The following SPAG16 variants were observed in gnomAD, a reference collection of about 807,000 sequenced individuals.
SPAG16 encodes the protein sperm associated antigen 16.
In SPAG16, 86 loss-of-function variants were observed where a neutral mutation model predicts 80.4. The observed-to-expected ratio is 1.07, with a 90% confidence interval of 0.90 to 1.28. The LOEUF is 1.28. SPAG16 is among the 50% of genes most tolerant of loss of function. The probability of loss-of-function intolerance (pLI) is 0.00; values close to 1 mark genes in which losing one functional copy is unlikely to be tolerated. For synonymous variants in SPAG16, 294 were observed against 265.9 expected (o/e 1.11, Z -1.03); for missense variants, 870 against 765.3 (o/e 1.14, Z -1.61).
At chr2:213,725,034 CTT>C (rs1336640515) in intron 10 of SPAG16, among the ~76,000 whole-genome samples, 1 of 146,898 alleles carries the variant, frequency 6.8e-6, no homozygotes, top group Non-Finnish European at 1.5e-5. Flanking sequence ...GACTCTGCTC[CTT>C]TTTTTTTTTC....
At chr2:213,417,332 A>G (rs2069318788) in intron 9 of SPAG16, among the ~76,000 whole-genome samples, 1 of 152,258 alleles carries the variant, frequency 6.6e-6, no homozygotes, top group African/African-American at 2.4e-5. Flanking sequence ...TGCAAATGCC[A>G]GGACTTCTGA....
intron 9 of SPAG16, among the ~76,000 whole-genome samples, chr2:213,414,213 T>C (rs1287228585): frequency 6.6e-6 from 1 of 152,202 alleles, no homozygotes; most frequent in Non-Finnish European, 1.5e-5. Flanking sequence ...TGCTATTCAG[T>C]TCCTAGTGTA....
intron 10 of SPAG16, among the ~76,000 whole-genome samples, chr2:213,624,375 C>A (rs2061888620): frequency 6.6e-6 from 1 of 152,170 alleles, no homozygotes; most frequent in African/African-American, 2.4e-5. Flanking sequence ...TTGGAATATA[C>A]TTCTGTTCTC....
At chr2:213,921,406 AT>A (rs1372348338) in intron 11 of SPAG16, among the ~76,000 whole-genome samples, 1 of 151,802 alleles carries the variant, frequency 6.6e-6, no homozygotes, top group Admixed American at 6.6e-5. Flanking sequence ...CCATTCCTTT[AT>A]TTTGAGCCTA....
At chr2:214,403,787 C>A (rs1347560147) in intron 15 of SPAG16, among the ~76,000 whole-genome samples, 1 of 152,134 alleles carries the variant, frequency 6.6e-6, no homozygotes, top group Non-Finnish European at 1.5e-5. Flanking sequence ...GGCATGGCCC[C>A]TGTTCCTGAG....
intron 11 of SPAG16, among the ~76,000 whole-genome samples, chr2:213,895,570 A>G (rs948535461): frequency 2.0e-5 from 3 of 152,182 alleles, no homozygotes; most frequent in African/African-American, 7.2e-5. Flanking sequence ...TCATAAACCA[A>G]TGGAACAGAA....
intron 7 of SPAG16, among the ~76,000 whole-genome samples, chr2:213,352,233 A>C (rs75345566): frequency 0.029 from 4,358 of 151,374 alleles, 89 homozygotes; most frequent in African/African-American, 0.056. Context: ...GTATTTCCTC[A>C]TAGTGGTGTG....
chr2:213,949,855 A>T (rs1046204330), intron 12 of SPAG16, among the ~76,000 whole-genome samples: 2 of 152,226 alleles, frequency 1.3e-5, no homozygotes, highest in African/African-American at 4.8e-5. Flanking sequence ...TATAAAATTA[A>T]CATTAATTGA....
chr2:213,728,964 G>C lies in SPAG16; in HGVS notation c.1071-133521G>C, dbSNP rs527899511. Among the ~76,000 whole-genome samples the C allele has an allele frequency of 4.1e-5, 6 of 147,332 alleles. No homozygotes were observed. In the East Asian group the frequency reaches 1.2e-3, roughly 30 times the overall value. On this transcript the variant is annotated intron_variant, in intron 10 of 15. Coordinates refer to ENST00000331683, the MANE Select transcript of SPAG16 (RefSeq NM_024532.5). The stretch of plus-strand genomic sequence containing the variant: ...AGCCTTGACCACAGTGCTTGCATGG[G>C]TATAAGGAGAATGATGTACTGGAAA...
chr2:213,966,719 C>T (rs1455951638), intron 12 of SPAG16, among the ~76,000 whole-genome samples: 1 of 151,994 alleles, frequency 6.6e-6, no homozygotes, highest in Non-Finnish European at 1.5e-5. Flanking sequence ...TTTTTTAGAC[C>T]TTACACCGTG....
chr2:214,333,823 G>C (rs751225200), intron 15 of SPAG16, among the ~76,000 whole-genome samples: 4 of 152,194 alleles, frequency 2.6e-5, no homozygotes, highest in Non-Finnish European at 4.4e-5. Flanking sequence ...CCAAAGAATT[G>C]AGATGGAAAC....
In SPAG16 at chr2:213,335,471, A is replaced by G. The variant is rs368313747; in HGVS notation, c.537-4692A>G. Among the ~76,000 whole-genome samples, 4 of 152,244 alleles carry G rather than the reference A, an allele frequency of 2.6e-5. No individual in the cohort carries two copies. The East Asian group carries it at 7.7e-4, about 29-fold the overall frequency. On this transcript the variant is annotated intron_variant, in intron 5 of 15. Transcript: ENST00000331683. ...TAATTTTTGTTTTTACAACAGAGAC[A>G]TCTTGACCAGAAGCAATACAATAAC...
intron 14 of SPAG16, among the ~76,000 whole-genome samples, 196 bp downstream of exon 14, chr2:214,108,457 A>G: frequency 1.0e-5 from 1 of 97,340 alleles, no homozygotes; most frequent in East Asian, 2.9e-4. Flanking sequence ...ACACACACAC[A>G]CACACACACA....
intron 1 of SPAG16, among the ~76,000 whole-genome samples, chr2:213,288,787 G>T (rs1255732919): frequency 6.6e-6 from 1 of 151,846 alleles, no homozygotes; most frequent in African/African-American, 2.4e-5. Flanking sequence ...TTATAAAATG[G>T]TACTTCTCTG....
At chr2:213,312,531 C>T (rs900316330) in intron 4 of SPAG16, among the ~76,000 whole-genome samples, 2 of 151,624 alleles carry the variant, frequency 1.3e-5, no homozygotes, top group African/African-American at 4.8e-5. Flanking sequence ...TCTTTTTAAA[C>T]CATTTTTCCC....
chr2:213,446,579 T>C (rs926314280), intron 9 of SPAG16, among the ~76,000 whole-genome samples: 1 of 152,230 alleles, frequency 6.6e-6, no homozygotes, highest in Non-Finnish European at 1.5e-5. Context: ...TTTTATTTAA[T>C]AATTCTCCTC....
intron 12 of SPAG16, among the ~76,000 whole-genome samples, chr2:213,966,589 G>A (rs565713525): frequency 2.0e-5 from 3 of 152,162 alleles, no homozygotes; most frequent in South Asian, 2.1e-4. Flanking sequence ...TCTAAGCAAG[G>A]TGATTAAGGG....
At chr2:213,814,681 T>A (rs1317015888) in intron 10 of SPAG16, among the ~76,000 whole-genome samples, 1 of 152,000 alleles carries the variant, frequency 6.6e-6, no homozygotes, top group Non-Finnish European at 1.5e-5. Context: ...TCCCAGCTAC[T>A]CAGGAGGCTG....
intron 15 of SPAG16, among the ~76,000 whole-genome samples, chr2:214,242,631 T>A (rs1689573513): frequency 6.6e-6 from 1 of 152,064 alleles, no homozygotes; most frequent in African/African-American, 2.4e-5. Flanking sequence ...AGTAGAAGAA[T>A]CTCCCTAATC....
Sources: gnomAD v4.1 joint callset for allele counts (sites outside exome capture counted in the v4.1 genomes callset) on GRCh38, gnomAD v4.1.1 for gene constraint, MANE v1.5 for transcripts, NCBI Gene and HGNC (gene_info 2026-07-23, HGNC 2026-07-21) for gene names.